The following GALNT1 variants were observed in gnomAD, a reference collection of about 807,000 sequenced individuals.
The protein encoded by GALNT1 is GalNAc transferase 1.
A neutral mutation model predicts 65.7 loss-of-function variants in GALNT1; 17 were observed. That is an observed-to-expected ratio of 0.26 (90% CI 0.18 to 0.39). The LOEUF is 0.39. Among genes scored for constraint, GALNT1 ranks in the 10% least tolerant of loss-of-function variants. The pLI is 1.00. For missense variants in GALNT1, 460 were observed against 672.8 expected (o/e 0.68, Z 3.50); for synonymous variants, 210 against 219.7 (o/e 0.96, Z 0.39).
At chr18:35,632,215 G>A (rs2047023513) in intron 1 of GALNT1, among the ~76,000 whole-genome samples, 1 of 152,074 alleles carries the variant, frequency 6.6e-6, no homozygotes, top group Non-Finnish European at 1.5e-5. Context: ...AGTTCATATG[G>A]AGCCAAAAAA....
intron 3 of GALNT1, among the ~76,000 whole-genome samples, chr18:35,669,714 C>G (rs2047603870): frequency 6.6e-6 from 1 of 152,106 alleles, no homozygotes; most frequent in Admixed American, 6.5e-5. Context: ...ACAAAACCCT[C>G]CCAGCAAATA....
chr18:35,662,882 A>T (rs2144454175), intron 2 of GALNT1, among the ~76,000 whole-genome samples: 1 of 152,276 alleles, frequency 6.6e-6, no homozygotes. Flanking sequence ...TGCTCTTTTT[A>T]TGTCTGTATC....
intron 6 of GALNT1, 123 bp downstream of exon 6, chr18:35,687,309 A>T: frequency 1.3e-6 from 1 of 782,834 alleles, no homozygotes; most frequent in South Asian, 2.9e-5. Flanking sequence ...ACCTTATGGT[A>T]GTTAACAGCC....
rs189421138 is a variant in GALNT1, at chr18:35,604,060, C to T, written c.-104+22198C>T. On this transcript the variant is annotated intron_variant, in intron 1 of 11. Coordinates refer to ENST00000269195, the MANE Select transcript of GALNT1 (RefSeq NM_020474.4). Reference sequence around the variant, plus strand: ...GCATAGTACTTGATAGATAGTTTTTCGATCCTCACCCTCCTCCCACCCTTC... The same window carrying T: ...GCATAGTACTTGATAGATAGTTTTTTGATCCTCACCCTCCTCCCACCCTTC... 1.8e-3 allele frequency among the ~76,000 whole-genome samples: 270 copies of T among 152,092 alleles called. 1 individual carries two copies. Among genetic ancestry groups the T allele is most frequent in the African/African-American group, 6.2e-3 (259 of 41,492 alleles).
At chr18:35,665,042 C>G (rs1487571201) in intron 3 of GALNT1, among the ~76,000 whole-genome samples, 1 of 152,200 alleles carries the variant, frequency 6.6e-6, no homozygotes. Flanking sequence ...TATGGAAACT[C>G]ATAGTCATTG....
At chr18:35,632,827 C>A (rs1259884882) in intron 1 of GALNT1, among the ~76,000 whole-genome samples, 2 of 152,160 alleles carry the variant, frequency 1.3e-5, no homozygotes, top group Non-Finnish European at 2.9e-5. Context: ...TATCCAGAAT[C>A]TACAAAGAAC....
intron 2 of GALNT1, among the ~76,000 whole-genome samples, chr18:35,655,067 A>G (rs561952556): frequency 6.6e-6 from 1 of 152,290 alleles, no homozygotes; most frequent in South Asian, 2.1e-4. Context: ...TTATGTTACT[A>G]AATAATGTGG....
intron 9 of GALNT1, among the ~76,000 whole-genome samples, chr18:35,695,811 A>C (rs1238184542): frequency 6.6e-6 from 1 of 152,180 alleles, no homozygotes; most frequent in Non-Finnish European, 1.5e-5. Context: ...TGGTCAAAGA[A>C]GGCCCAGGGT....
intron 1 of GALNT1, among the ~76,000 whole-genome samples, chr18:35,639,337 G>A (rs532042911): frequency 3.9e-4 from 60 of 152,248 alleles, no homozygotes; most frequent in South Asian, 2.7e-3. Flanking sequence ...ATTACGATTC[G>A]CTGAAGGCAA....
intron 3 of GALNT1, 135 bp from the exon 4 acceptor site, chr18:35,677,455 AC>A: frequency 1.9e-6 from 1 of 516,596 alleles, no homozygotes; most frequent in African/African-American, 1.9e-5. Context: ...ATTAACCAAG[AC>A]TTAAATGAAA....
chr18:35,677,812 T>TA, intron 4 of GALNT1, 55 bp downstream of exon 4: 1 of 1,267,484 alleles, frequency 7.9e-7, no homozygotes, highest in Non-Finnish European at 1.1e-6. Flanking sequence ...CACTAACGGT[T>TA]AAAACTAGTT....
chr18:35,608,280 G>C (rs151151184), intron 1 of GALNT1, among the ~76,000 whole-genome samples: 1 of 152,128 alleles, frequency 6.6e-6, no homozygotes, highest in East Asian at 1.9e-4. Flanking sequence ...AAATGCAATT[G>C]ATTAGATTAT....
chr18:35,645,521 C>T (rs1241997187), intron 1 of GALNT1, among the ~76,000 whole-genome samples: 1 of 152,092 alleles, frequency 6.6e-6, no homozygotes, highest in South Asian at 2.1e-4. Context: ...TGAGCTGCCG[C>T]ACCTGGCCGG....
At position 35,668,640 on chromosome 18, in the gene GALNT1, T is replaced by C. The variant is rs148069415; in HGVS notation, c.314+4838T>C. The stretch of plus-strand genomic sequence containing the variant: ...TGGCAGGGGAGAAATGAGGAGATGC[T>C]GATTAGTGGGCATAAAGTTTCAGTT... On this transcript the variant is annotated intron_variant, in intron 3 of 11. Coordinates refer to ENST00000269195, the MANE Select transcript of GALNT1 (RefSeq NM_020474.4). Among the ~76,000 whole-genome samples, 438 of 152,194 alleles carry C rather than the reference T, an allele frequency of 2.9e-3. 1 individual carries two copies. The highest frequency in any genetic ancestry group is 9.7e-3 in the African/African-American group (404 of 41,518).
intron 1 of GALNT1, among the ~76,000 whole-genome samples, chr18:35,609,815 A>G (rs1422791879): frequency 2.0e-5 from 3 of 152,182 alleles, no homozygotes; most frequent in East Asian, 1.9e-4. Flanking sequence ...CATTGAAGAC[A>G]TAGGTTTTAA....
intron 4 of GALNT1, among the ~76,000 whole-genome samples, chr18:35,682,775 T>C (rs1369176477): frequency 6.6e-6 from 1 of 152,048 alleles, no homozygotes; most frequent in African/African-American, 2.4e-5. Context: ...TTCTCTTTTC[T>C]TCTTCAATTG....
At chr18:35,655,979 A>G (rs889625892) in intron 2 of GALNT1, among the ~76,000 whole-genome samples, 1 of 152,220 alleles carries the variant, frequency 6.6e-6, no homozygotes, top group Non-Finnish European at 1.5e-5. Flanking sequence ...TAGTTTGCAT[A>G]ATATTTACTT....
At chr18:35,682,384 AT>A (rs1568031543) in intron 4 of GALNT1, among the ~76,000 whole-genome samples, 1 of 152,098 alleles carries the variant, frequency 6.6e-6, no homozygotes, top group East Asian at 1.9e-4. Context: ...TACTTTTAGT[AT>A]TTAATTAATA....
At chr18:35,637,986 G>T (rs192315006) in intron 1 of GALNT1, among the ~76,000 whole-genome samples, 2 of 152,276 alleles carry the variant, frequency 1.3e-5, no homozygotes, top group African/African-American at 4.8e-5. Context: ...ATGGTTTATT[G>T]AATAATTTAA....
Sources: allele counts gnomAD v4.1 joint callset (sites outside exome capture counted in the v4.1 genomes callset), GRCh38; gene constraint gnomAD v4.1.1; transcripts MANE v1.5; gene names NCBI Gene and HGNC (gene_info 2026-07-23, HGNC 2026-07-21).